Variants in SLC35F2 observed in about 807,000 individuals in gnomAD.
SLC35F2 encodes the protein solute carrier family 35 member F2.
A neutral mutation model predicts 38.1 loss-of-function variants in SLC35F2; 25 were observed. That is an observed-to-expected ratio of 0.66 (90% CI 0.48 to 0.92). The LOEUF is 0.92. SLC35F2 is among the 40% of genes least tolerant of loss of function. The probability of loss-of-function intolerance (pLI) is 0.00; values close to 1 mark genes in which losing one functional copy is unlikely to be tolerated. For missense variants in SLC35F2, 409 were observed against 452.9 expected (o/e 0.90, Z 0.88); for synonymous variants, 173 against 181.7 (o/e 0.95, Z 0.38).
chr11:107,820,865 A>T (rs973043096), intron 1 of SLC35F2, among the ~76,000 whole-genome samples: 3 of 152,196 alleles, frequency 2.0e-5, no homozygotes, highest in African/African-American at 7.2e-5. Flanking sequence ...CTGAGACAGG[A>T]GAATTGCTTG....
intron 1 of SLC35F2, among the ~76,000 whole-genome samples, chr11:107,847,729 GGAA>G (rs1860120348): frequency 6.6e-6 from 1 of 152,310 alleles, no homozygotes; most frequent in South Asian, 2.1e-4. Flanking sequence ...GAGGAAACAG[GGAA>G]GAAGATTTCC....
intron 2 of SLC35F2, among the ~76,000 whole-genome samples, chr11:107,814,412 G>A (rs893130509): frequency 2.7e-5 from 4 of 150,846 alleles, no homozygotes; most frequent in African/African-American, 9.8e-5. Flanking sequence ...CCAAGATCAC[G>A]CCACTGCACT....
intron 2 of SLC35F2, among the ~76,000 whole-genome samples, chr11:107,815,389 TAAAAAAA>T (rs1555083773): frequency 1.0e-5 from 1 of 95,382 alleles, no homozygotes; most frequent in Non-Finnish European, 2.4e-5. Context: ...ATCTCTAAAA[TAAAAAAA>T]AAAAAAAAAA....
At chr11:107,798,506 A>T (rs1224933855) in intron 7 of SLC35F2, among the ~76,000 whole-genome samples, 2 of 152,198 alleles carry the variant, frequency 1.3e-5, no homozygotes, top group African/African-American at 4.8e-5. Context: ...AGACTAATAA[A>T]GAGATTAAGT....
chr11:107,815,109 T>G (rs1391458772), intron 2 of SLC35F2, among the ~76,000 whole-genome samples: 1 of 151,978 alleles, frequency 6.6e-6, no homozygotes, highest in Non-Finnish European at 1.5e-5. Context: ...GAGCTACACG[T>G]GCAACTGACG....
chr11:107,827,249 A>G (rs2134816776), intron 1 of SLC35F2, among the ~76,000 whole-genome samples: 1 of 152,342 alleles, frequency 6.6e-6, no homozygotes, highest in Non-Finnish European at 1.5e-5. Flanking sequence ...AAGCTCTGAA[A>G]CAATGACTAA....
At chr11:107,823,205 A>C in intron 1 of SLC35F2, 1 of 985,394 alleles carries the variant, frequency 1.0e-6, no homozygotes. Flanking sequence ...TAAGTCTCCC[A>C]GATGAGTCTA....
intron 1 of SLC35F2, among the ~76,000 whole-genome samples, chr11:107,856,097 C>G (rs1203057132): frequency 3.7e-5 from 5 of 135,484 alleles, no homozygotes; most frequent in Non-Finnish European, 6.2e-5. Context: ...AAGAGCAAAA[C>G]TCTGTCTCAA....
At chr11:107,803,196 A>AAACAT in intron 6 of SLC35F2, 41 bp from the exon 7 acceptor site, 3 of 1,564,216 alleles carry the variant, frequency 1.9e-6, no homozygotes, top group Non-Finnish European at 2.6e-6. Context: ...TAGGGCAAGA[A>AAACAT]AACATAAGAC....
intron 1 of SLC35F2, chr11:107,823,232 G>T: frequency 1.0e-6 from 1 of 984,700 alleles, no homozygotes; most frequent in Non-Finnish European, 1.2e-6. Flanking sequence ...GATCAGGACG[G>T]CAAACCACTA....
At chr11:107,853,149 T>C (rs1279215543) in intron 1 of SLC35F2, among the ~76,000 whole-genome samples, 2 of 152,142 alleles carry the variant, frequency 1.3e-5, no homozygotes, top group Non-Finnish European at 2.9e-5. Context: ...CTACCCTTCC[T>C]CACCTAGGCC....
At chr11:107,819,213 G>T (rs1859632260) in intron 1 of SLC35F2, among the ~76,000 whole-genome samples, 1 of 152,208 alleles carries the variant, frequency 6.6e-6, no homozygotes, top group South Asian at 2.1e-4. Context: ...ACGAGATGGT[G>T]TTTGTTCTTA....
chr11:107,851,874 C>T (rs926350453), intron 1 of SLC35F2, among the ~76,000 whole-genome samples: 1 of 152,192 alleles, frequency 6.6e-6, no homozygotes, highest in Non-Finnish European at 1.5e-5. Flanking sequence ...AGATCCCTAA[C>T]TTTACATCTT....
At chr11:107,814,108 G>A (rs949626208) in intron 2 of SLC35F2, among the ~76,000 whole-genome samples, 3 of 152,222 alleles carry the variant, frequency 2.0e-5, no homozygotes, top group East Asian at 1.9e-4. Flanking sequence ...TCAGCCACAC[G>A]ATTCAAAAGC....
rs376465266 is a variant in SLC35F2 at position 107,792,714 on chromosome 11, C to T, written c.1026G>A (p.Pro342=). ...TGACTGGAGGCACGCTGCTTTCAGC[C>T]GGCTCGGCCGTGCGAGTAGGGGTGG... ...YCSTPTRTAE[P]AESSVPPVTS... is the part of the protein sequence containing the mutation. The change falls in exon 8 of 8, where the codon CCG becomes CCA. Residue 342 remains proline, a synonymous_variant. Transcript: ENST00000525815. 24 of 1,613,840 alleles carry T rather than the reference C, an allele frequency of 1.5e-5. No homozygotes were observed. Among genetic ancestry groups the T allele is most frequent in the Non-Finnish European group, 1.9e-5 (22 of 1,179,974 alleles).
rs750265998 is a variant in SLC35F2, at chr11:107,805,394, C to A, written c.696G>T (p.Val232=). 1.2e-6 allele frequency: 2 copies of A among 1,614,024 alleles called. No individual in the cohort carries two copies. The highest frequency in any genetic ancestry group is 2.2e-5 in the South Asian group (2 of 91,066). The change falls in exon 5 of 8, where the codon GTG becomes GTT. Residue 232 remains valine, a synonymous_variant. Coordinates refer to ENST00000525815, the MANE Select transcript of SLC35F2 (RefSeq NM_017515.5). ...CACTGATAATTGTTCCAAACAGGCCCACCATTCCTAAAAACTCCTGTCTGC... is the reference window on the plus strand; with the variant it reads ...CACTGATAATTGTTCCAAACAGGCCAACCATTCCTAAAAACTCCTGTCTGC... ...KLSRQEFLGM[V]GLFGTIISGI...
chr11:107,841,911 A>C (rs1860017201), intron 1 of SLC35F2, among the ~76,000 whole-genome samples: 1 of 151,392 alleles, frequency 6.6e-6, no homozygotes, highest in Non-Finnish European at 1.5e-5. Context: ...AAAAATACAC[A>C]AAAGATTAGC....
intron 4 of SLC35F2, 169 bp from the exon 5 acceptor site, chr11:107,805,684 GTA>G: frequency 1.0e-6 from 1 of 978,838 alleles, no homozygotes; most frequent in Non-Finnish European, 1.2e-6. Context: ...GTGTGTGTGT[GTA>G]TGTGTGTGTT....
At position 107,805,860 on chromosome 11, in the gene SLC35F2, G is replaced by A. The variant is rs374666988; in HGVS notation, c.575-345C>T. Among the ~76,000 whole-genome samples, 8 of 152,202 alleles carry A rather than the reference G, an allele frequency of 5.3e-5. No homozygotes were observed. In the East Asian group the frequency reaches 1.5e-3, roughly 29 times the overall value. On this transcript the variant is annotated intron_variant, in intron 4 of 7. Transcript: ENST00000525815. ...CCTGGCTAATTTTTGCATTTGTACT[G>A]GTCTTGAACTCCTGACCTCAAGTGA...
Sources: gnomAD v4.1 joint callset for allele counts (sites outside exome capture counted in the v4.1 genomes callset) on GRCh38, gnomAD v4.1.1 for gene constraint, MANE v1.5 for transcripts, NCBI Gene and HGNC (gene_info 2026-07-23, HGNC 2026-07-21) for gene names.